Variants in CRHR2 observed in about 807,000 individuals in gnomAD.
The protein encoded by CRHR2 is corticotropin releasing hormone receptor 2.
In CRHR2, 53 loss-of-function variants were observed where a neutral mutation model predicts 57.9. That is an observed-to-expected ratio of 0.92 (90% CI 0.73 to 1.15). CRHR2 has a LOEUF of 1.15. CRHR2 is among the 50% of genes most tolerant of loss of function. CRHR2 has a pLI of 0.00. For synonymous variants in CRHR2, 213 were observed against 220.9 expected (o/e 0.96, Z 0.32); for missense variants, 532 against 542.6 (o/e 0.98, Z 0.19).
In CRHR2 at chr7:30,656,099, C is replaced by A. The variant is rs911185737; in HGVS notation, c.832-87G>T. ...GAGAGGCAGCCCCCTTCCCCGCAGA[C>A]CCCTGGAAACCGATGTCCCACGCAC... On this transcript the variant is annotated intron_variant, in intron 8 of 11. Coordinates refer to ENST00000471646, the MANE Select transcript of CRHR2 (RefSeq NM_001883.5). This position sits in a 1 kb window ranked among gnomAD's most constrained non-coding sequence, Gnocchi z 4.4. 1.8e-5 allele frequency: 22 copies of A among 1,244,244 alleles called. No individual in the cohort carries two copies. The highest frequency in any genetic ancestry group is 3.4e-5 in the Admixed American group (2 of 58,548). The allele number at this position is 1,244,244 out of a possible 1,614,324, so 77.1% of individuals were successfully genotyped here. A position where few individuals can be genotyped will look rare whatever the true frequency, so the allele number is the denominator to read the frequency against.
At chr7:30,694,304 G>A (rs1390610733) in intron 1 of CRHR2, among the ~76,000 whole-genome samples, 2 of 152,242 alleles carry the variant, frequency 1.3e-5, no homozygotes, top group Non-Finnish European at 2.9e-5. Context: ...CCTGGCATGG[G>A]AGGCCCTCAC....
rs867801609 is a variant in CRHR2, at chr7:30,665,914, T to A, written c.316-275A>T. On this transcript the variant is annotated intron_variant, in intron 3 of 11. Coordinates refer to ENST00000471646, the MANE Select transcript of CRHR2 (RefSeq NM_001883.5). The surrounding 1 kb of genome is among the most constrained non-coding windows in gnomAD (Gnocchi z 4.5). Reference sequence around the variant, plus strand: ...GCCCAAGCTGGGGTCCAGTGGCTATTCACAGGTGTGATCACAGTGCACCGC... The same window carrying A: ...GCCCAAGCTGGGGTCCAGTGGCTATACACAGGTGTGATCACAGTGCACCGC... Among the ~76,000 whole-genome samples the A allele has an allele frequency of 6.6e-6, 1 of 152,150 alleles. No individual in the cohort carries two copies. The highest frequency in any genetic ancestry group is 2.4e-5 in the African/African-American group (1 of 41,432).
chr7:30,653,425 G>A lies in CRHR2; in HGVS notation c.*35C>T. Reference sequence around the variant, plus strand: ...GAACCCAGAGGAAGAAGGTGGAGGAGGACAGGGGAGCTGTGCAGGTGGGCG... The same window carrying A: ...GAACCCAGAGGAAGAAGGTGGAGGAAGACAGGGGAGCTGTGCAGGTGGGCG... On this transcript the variant is annotated 3_prime_UTR_variant, in exon 12 of 12. Transcript: ENST00000471646. The surrounding 1 kb of genome is among the most constrained non-coding windows in gnomAD (Gnocchi z 5.0). 6.2e-7 allele frequency: 1 copy of A among 1,607,130 alleles called. No individual in the cohort carries two copies. The highest frequency in any genetic ancestry group is 8.5e-7 in the Non-Finnish European group (1 of 1,176,736).
rs1783707416 is a variant in CRHR2, at chr7:30,654,627, T to G, written c.1095+412A>C. The G allele has an allele frequency of 2.7e-6, 4 of 1,487,640 alleles. No homozygotes were observed. In the East Asian group the frequency reaches 9.9e-5, roughly 37 times the overall value. 92.2% of individuals were successfully genotyped at this position (1,487,640 alleles called of 1,614,324 possible). ...GACTCCCCAGAGCCTGCTCTTGGTG[T>G]GTGGGCTTTTCTGTGGCAGGTAGCG... is the stretch of plus-strand genomic sequence containing the variant. On this transcript the variant is annotated intron_variant, in intron 11 of 11. Coordinates refer to ENST00000471646, the MANE Select transcript of CRHR2 (RefSeq NM_001883.5).
chr7:30,690,500 T>G lies in CRHR2; in HGVS notation c.-260-1216A>C, dbSNP rs543493140. ...ACCCTGAGATTCCTGATTCTGGGAT[T>G]CCAGAAGACACTGCTCCATCAGTGT... On this transcript the variant is annotated intron_variant, in intron 1 of 13. Transcript: ENST00000341843. 5.3e-3 allele frequency among the ~76,000 whole-genome samples: 801 copies of G among 152,182 alleles called. 7 individuals are homozygous for G. The highest frequency in any genetic ancestry group is 0.018 in the African/African-American group (734 of 41,518).
At chr7:30,687,373 T>C (rs1784875804), upstream of CRHR2, among the ~76,000 whole-genome samples, 1 of 151,722 alleles carries the variant, frequency 6.6e-6, no homozygotes. Flanking sequence ...CATGGGGAAA[T>C]GTTCACTCTG....
At chr7:30,678,704 C>A (rs1784600409) in intron 2 of CRHR2, among the ~76,000 whole-genome samples, 1 of 152,210 alleles carries the variant, frequency 6.6e-6, no homozygotes, top group African/African-American at 2.4e-5. Context: ...CTCAGCTGTC[C>A]CTCCAGCTCC....
intron 2 of CRHR2, among the ~76,000 whole-genome samples, chr7:30,669,784 C>T (rs1784300232): frequency 2.6e-5 from 4 of 152,200 alleles, no homozygotes; most frequent in Admixed American, 2.6e-4. Context: ...ATAGTCAAGG[C>T]CCTTGACACC....
intron 1 of CRHR2, among the ~76,000 whole-genome samples, chr7:30,693,266 A>G (rs1017292643): frequency 2.0e-5 from 3 of 152,172 alleles, no homozygotes; most frequent in African/African-American, 7.2e-5. Flanking sequence ...TGCCAAATGC[A>G]GCTGGTTACC....
At chr7:30,671,068 T>G (rs1156902044) in intron 2 of CRHR2, among the ~76,000 whole-genome samples, 2 of 152,222 alleles carry the variant, frequency 1.3e-5, no homozygotes, top group African/African-American at 4.8e-5. Context: ...GGCTGGGACA[T>G]GAGACCCTAT....
chr7:30,657,894 A>C (rs943801325), intron 8 of CRHR2, among the ~76,000 whole-genome samples: 8 of 152,056 alleles, frequency 5.3e-5, no homozygotes, highest in Non-Finnish European at 1.0e-4. Flanking sequence ...CCACGTACCC[A>C]TCCATCTACC....
At position 30,660,581 on chromosome 7, in the gene CRHR2, C is replaced by T. The variant is rs112324263; in HGVS notation, c.823G>A (p.Val275Met). 3.1e-5 allele frequency: 49 copies of T among 1,564,350 alleles called. No homozygotes were observed. The highest frequency in any genetic ancestry group is 9.5e-5 in the Admixed American group (5 of 52,526). ...CACCGCTGAGGGCTTACCAGGAGCA[C>T]GAGAATGATGGGGCCTTGGTAGATG... is the stretch of plus-strand genomic sequence containing the variant. ...DYIYQGPIILVLLINFVFLFN... is the reference protein window; with the variant it reads ...DYIYQGPIILMLLINFVFLFN... The change falls in exon 8 of 12, where the codon GTG (valine) becomes ATG (methionine). Residue 275 changes from valine (V) to methionine (M), a missense_variant. Coordinates refer to ENST00000471646, the MANE Select transcript of CRHR2 (RefSeq NM_001883.5).
chr7:30,699,643 C>T (rs1785127690), intron 1 of CRHR2: 2 of 234,214 alleles, frequency 8.5e-6, no homozygotes, highest in Non-Finnish European at 1.7e-5. Context: ...CTCTGCTTAT[C>T]CACAGGGGTC....
At chr7:30,681,802 G>A (rs1273370359) in intron 2 of CRHR2, 113 bp downstream of exon 2, 10 of 1,427,142 alleles carry the variant, frequency 7.0e-6, no homozygotes, top group Non-Finnish European at 9.1e-6. Flanking sequence ...GCGGTCCGCG[G>A]TACCGCGGCC....
At chr7:30,682,128 G>A in intron 1 of CRHR2, 50 bp downstream of exon 1, 1 of 1,535,220 alleles carries the variant, frequency 6.5e-7, no homozygotes, top group Non-Finnish European at 8.7e-7. Flanking sequence ...CGCACCCAGC[G>A]CGCGAGAGAA....
intron 11 of CRHR2, chr7:30,654,636 T>G: frequency 6.6e-7 from 1 of 1,513,874 alleles, no homozygotes; most frequent in Middle Eastern, 1.7e-4. Flanking sequence ...GTGTGGGCTT[T>G]TCTGTGGCAG....
chr7:30,681,818 C>A (rs1051569445), intron 2 of CRHR2, 97 bp downstream of exon 2: 2 of 1,457,794 alleles, frequency 1.4e-6, no homozygotes, highest in Non-Finnish European at 1.8e-6. Context: ...CGGCCGTCAG[C>A]AGCTTTGTAC....
intron 1 of CRHR2, chr7:30,689,343 C>T: frequency 7.3e-7 from 1 of 1,369,774 alleles, no homozygotes; most frequent in Non-Finnish European, 1.0e-6. Flanking sequence ...TTGACAGTGC[C>T]TGTCTGCCCC....
In CRHR2 at chr7:30,665,011, G is replaced by T; in HGVS notation, c.543+59C>A. 7.3e-7 allele frequency: 1 copy of T among 1,374,688 alleles called. No homozygotes were observed. Among genetic ancestry groups the T allele is most frequent in the Non-Finnish European group, 1.0e-6 (1 of 962,478 alleles). The allele number at this position is 1,374,688 out of a possible 1,614,324, so 85.2% of individuals were successfully genotyped here. On this transcript the variant is annotated intron_variant, in intron 5 of 11. Coordinates refer to ENST00000471646, the MANE Select transcript of CRHR2 (RefSeq NM_001883.5). The surrounding 1 kb of genome is among the most constrained non-coding windows in gnomAD (Gnocchi z 4.5). ...CCAAGCAGAGACCAGACAGACAGAT[G>T]GGTGCCCCCGGAGCCCAGAGCCCCC...
Sources: gnomAD v4.1 joint callset for allele counts (sites outside exome capture counted in the v4.1 genomes callset) on GRCh38, gnomAD v4.1.1 for gene constraint, Gnocchi (gnomAD v3.1) non-coding constraint, MANE v1.5 for transcripts, NCBI Gene and HGNC (gene_info 2026-07-23, HGNC 2026-07-21) for gene names.